Variants in SUGP2 observed in about 807,000 individuals in gnomAD.
The protein encoded by SUGP2 is SURP and G-patch domain-containing protein 2.
Under a neutral mutation model 90.5 loss-of-function variants are expected in SUGP2, and 24 were observed. The ratio of observed to expected loss-of-function variants is 0.27; its 90% CI spans 0.19 to 0.37. The LOEUF is 0.37. Among genes scored for constraint, SUGP2 ranks in the 10% least tolerant of loss-of-function variants. The pLI is 1.00. For missense variants in SUGP2, 1,233 were observed against 1,363.3 expected, an observed-to-expected ratio of 0.90 and a Z score of 1.51; for synonymous variants, 473 against 513.4, an observed-to-expected ratio of 0.92 and a Z score of 1.06.
chr19:19,033,535 G>A, upstream of SUGP2: 2 of 1,388,082 alleles, frequency 1.4e-6, no homozygotes, highest in South Asian at 1.4e-5. Flanking sequence ...TGAACCAACG[G>A]TCTCCGCAGC....
intron 6 of SUGP2, among the ~76,000 whole-genome samples, chr19:19,006,394 C>G (rs1249106221): frequency 6.6e-6 from 1 of 152,042 alleles, no homozygotes; most frequent in Non-Finnish European, 1.5e-5. Context: ...GCGTCCAACA[C>G]CTTGCCCAGT....
rs1408016742 is a variant in SUGP2 at position 18,993,279 on chromosome 19, G to A, written c.*462C>T. On this transcript the variant is annotated 3_prime_UTR_variant, in exon 11 of 11. Transcript: ENST00000452918. Reference sequence around the variant, plus strand: ...CCGAGTGCAGACTTGGTAATTACCGGGAATTTGTCTCCCCCGTATAAATTC... The same window carrying A: ...CCGAGTGCAGACTTGGTAATTACCGAGAATTTGTCTCCCCCGTATAAATTC... 1 of 152,112 alleles carries A rather than the reference G, an allele frequency of 6.6e-6. No homozygotes were observed. The highest frequency in any genetic ancestry group is 6.6e-5 in the Admixed American group (1 of 15,256). The allele number at this position is 152,112 out of a possible 1,614,324, so 9.4% of individuals were successfully genotyped here. A position where few individuals can be genotyped will look rare whatever the true frequency, so the allele number is the denominator to read the frequency against.
rs552794624 is a variant in SUGP2 at position 19,025,913 on chromosome 19, T to A, written c.435A>T (p.Glu145Asp). The change falls in exon 3 of 11, where the codon GAA becomes GAT. Residue 145 changes from glutamate (E) to aspartate (D), a missense_variant. By Grantham distance (45) the Glu-to-Asp change is conservative. Coordinates refer to ENST00000452918, the MANE Select transcript of SUGP2 (RefSeq NM_001017392.5). ...DWKFALRGSWEQDFGHPVSQE... is the reference protein window; with the variant it reads ...DWKFALRGSWDQDFGHPVSQE... ...GAGAAACTGGATGGCCAAAGTCTTG[T>A]TCCCAAGAACCACGGAGCGCAAATT... is the stretch of plus-strand genomic sequence containing the variant. 3.1e-6 allele frequency: 5 copies of A among 1,614,208 alleles called. No homozygotes were observed. The African/African-American group carries it at 6.7e-5, about 22-fold the overall frequency.
chr19:19,001,685 AAAG>A lies in SUGP2; in HGVS notation c.2930-14_2930-12del. The A allele has an allele frequency of 6.2e-7, 1 of 1,614,084 alleles. No homozygotes were observed. The highest frequency in any genetic ancestry group is 8.5e-7 in the Non-Finnish European group (1 of 1,179,930). On this transcript the variant is annotated splice_polypyrimidine_tract_variant and intron_variant, in intron 7 of 10. Transcript: ENST00000452918. ...GAACTGGTTCATGGACTAGAAGACA[AAAG>A]AAAGAGACACATACACATACATGTG... is the stretch of plus-strand genomic sequence containing the variant.
upstream of SUGP2, chr19:19,033,536 T>C: frequency 7.2e-7 from 1 of 1,382,430 alleles, no homozygotes; most frequent in Non-Finnish European, 9.4e-7. Flanking sequence ...GAACCAACGG[T>C]CTCCGCAGCG....
intron 9 of SUGP2, 36 bp downstream of exon 9, chr19:18,995,108 C>A (rs2145229575): frequency 6.3e-7 from 1 of 1,595,602 alleles, no homozygotes; most frequent in East Asian, 2.3e-5. Flanking sequence ...GGACTGAGGC[C>A]CCACCCACTC....
intron 5 of SUGP2, 74 bp from the exon 6 acceptor site, chr19:19,008,502 G>A (rs962980404): frequency 8.3e-7 from 1 of 1,208,774 alleles, no homozygotes; most frequent in Non-Finnish European, 1.2e-6. Flanking sequence ...CAGGGTTGTG[G>A]AGGCTGATTA....
chr19:18,999,611 C>T (rs2057751011), intron 8 of SUGP2, among the ~76,000 whole-genome samples: 1 of 152,186 alleles, frequency 6.6e-6, no homozygotes, highest in Non-Finnish European at 1.5e-5. Context: ...GAGCTCTGGA[C>T]TCGGGAAGGT....
intron 8 of SUGP2, among the ~76,000 whole-genome samples, chr19:18,998,352 T>C (rs1333398074): frequency 1.3e-5 from 2 of 152,244 alleles, no homozygotes; most frequent in Non-Finnish European, 2.9e-5. Flanking sequence ...AGTGGCTCCA[T>C]CATGGCTCAC....
At chr19:19,018,619 G>A (rs540319047) in intron 4 of SUGP2, among the ~76,000 whole-genome samples, 154 of 146,670 alleles carry the variant, frequency 1.0e-3, no homozygotes, top group African/African-American at 2.8e-3. Context: ...CCCGGGAGGC[G>A]GAGGTTGCGG....
chr19:18,992,337 A>T lies in SUGP2; in HGVS notation c.*1404T>A, dbSNP rs1466759541. ...AGTGCTGGAATTATAGGCGTGAGTCACCGTGCCGGCCTTTTTTTTTTTTTT... is the reference window on the plus strand; with the variant it reads ...AGTGCTGGAATTATAGGCGTGAGTCTCCGTGCCGGCCTTTTTTTTTTTTTT... On this transcript the variant is annotated 3_prime_UTR_variant, in exon 11 of 11. Transcript: ENST00000452918. The T allele has an allele frequency of 7.6e-6, 1 of 132,446 alleles. No homozygotes were observed. The highest frequency in any genetic ancestry group is 1.5e-5 in the Non-Finnish European group (1 of 64,782). The allele number at this position is 132,446 out of a possible 1,614,324, so 8.2% of individuals were successfully genotyped here. A position where few individuals can be genotyped will look rare whatever the true frequency, so the allele number is the denominator to read the frequency against.
chr19:18,996,555 A>T (rs1217644768), intron 8 of SUGP2, among the ~76,000 whole-genome samples: 1 of 149,418 alleles, frequency 6.7e-6, no homozygotes, highest in Non-Finnish European at 1.5e-5. Flanking sequence ...CCAGCTTTTG[A>T]TGTTTTTTTT....
chr19:19,010,157 C>G lies in SUGP2; in HGVS notation c.2036G>C (p.Arg679Pro). 6.2e-7 allele frequency: 1 copy of G among 1,613,232 alleles called. No individual in the cohort carries two copies. The change falls in exon 5 of 11, where the codon CGG (arginine) becomes CCG (proline). Residue 679 changes from arginine (R) to proline (P), a missense_variant. Physicochemically the swap from Arg to Pro is moderately radical, Grantham distance 103 (BLOSUM62 -2). This residue lies in a region of SUGP2 where 540 missense variants were observed against 542.6 expected (regional missense o/e 1.00). Coordinates refer to ENST00000452918, the MANE Select transcript of SUGP2 (RefSeq NM_001017392.5). Reference protein sequence around the residue: ...NLKKKLLPWQRRGLLRAQGLR... With the variant: ...NLKKKLLPWQPRGLLRAQGLR... ...CCCTTGAGCACGGAGGAGCCCCCGC[C>G]GCTGCCACGGAAGGAGTTTCTTCTT...
chr19:19,002,806 C>T (rs896207265), intron 7 of SUGP2, among the ~76,000 whole-genome samples: 1 of 151,952 alleles, frequency 6.6e-6, no homozygotes, highest in Non-Finnish European at 1.5e-5. Context: ...AGCCAGCACA[C>T]CCGGCGCAGG....
chr19:19,014,426 C>T (rs1239013312), intron 4 of SUGP2, among the ~76,000 whole-genome samples: 2 of 152,220 alleles, frequency 1.3e-5, no homozygotes, highest in South Asian at 2.1e-4. Context: ...CAAATCTCTG[C>T]TGGCCCTCAG....
At chr19:19,021,491 T>G (rs2058726619) in intron 3 of SUGP2, among the ~76,000 whole-genome samples, 3 of 152,122 alleles carry the variant, frequency 2.0e-5, no homozygotes, top group African/African-American at 7.2e-5. Flanking sequence ...CAATGAAATT[T>G]AGGGACCCCT....
intron 9 of SUGP2, chr19:18,994,837 A>G (rs1189142044): frequency 3.7e-6 from 2 of 538,912 alleles, no homozygotes; most frequent in Admixed American, 6.6e-5. Context: ...GGTTCCCGGG[A>G]ATGGGAAAGC....
rs1287667649 is a variant in SUGP2 at position 19,030,977 on chromosome 19, C to T, written c.95G>A (p.Ser32Asn). 1 of 1,612,666 alleles carries T rather than the reference C, an allele frequency of 6.2e-7. No individual in the cohort carries two copies. The highest frequency in any genetic ancestry group is 1.7e-5 in the Admixed American group (1 of 59,426). ...YHMDASGEAV[S>N]ETLQFKAQDL... ...TTGAGCTTTAAACTGAAGAGTTTCG[C>T]TTACAGCCTCACCACTGGCATCCAT... is the stretch of plus-strand genomic sequence containing the variant. Residue 32 changes from serine (S) to asparagine (N), a missense_variant, in exon 2 of 11, where the codon AGC becomes AAC. This residue lies in a region of SUGP2 where 418 missense variants were observed against 399.9 expected (regional missense o/e 1.05). Transcript: ENST00000452918.
At chr19:19,033,574 C>G (rs980379403), upstream of SUGP2, 7 of 1,230,990 alleles carry the variant, frequency 5.7e-6, no homozygotes, top group Admixed American at 8.9e-5. Context: ...AAGCCGCCGC[C>G]GAGTCCTGGT....
Sources: allele counts gnomAD v4.1 joint callset (sites outside exome capture counted in the v4.1 genomes callset), GRCh38; gene constraint gnomAD v4.1.1; regional missense constraint gnomAD v4.1.1; transcripts MANE v1.5; gene names NCBI Gene and HGNC (gene_info 2026-07-23, HGNC 2026-07-21).